Variants in TTBK2 observed in about 807,000 individuals in gnomAD.
TTBK2 encodes tau tubulin kinase 2, also known as tau-tubulin kinase 2.
In TTBK2, 28 loss-of-function variants were observed where a neutral mutation model predicts 110.8. The observed-to-expected ratio is 0.25, with a 90% confidence interval of 0.19 to 0.35. The LOEUF is 0.35. Among genes scored for constraint, TTBK2 ranks in the 10% least tolerant of loss-of-function variants. The pLI is 1.00. For missense variants in TTBK2, 1,369 were observed against 1,500.3 expected (o/e 0.91, Z 1.45); for synonymous variants, 532 against 527.3 (o/e 1.01, Z -0.12).
rs543197906 is a variant in TTBK2 at position 42,741,284 on chromosome 15, T to C, written c.*4511A>G. On this transcript the variant is annotated 3_prime_UTR_variant, in exon 15 of 15. Transcript: ENST00000267890. ...GTTTTCATGCATTAATCCCGCCATATGGGCTGATGGTTGGAACTGCCTTTA... is the reference window on the plus strand; with the variant it reads ...GTTTTCATGCATTAATCCCGCCATACGGGCTGATGGTTGGAACTGCCTTTA... 1 of 152,222 alleles carries C rather than the reference T, an allele frequency of 6.6e-6. No individual in the cohort carries two copies. Among genetic ancestry groups the C allele is most frequent in the Non-Finnish European group, 1.5e-5 (1 of 68,034 alleles). 9.4% of individuals were successfully genotyped at this position (152,222 alleles called of 1,614,324 possible).
At chr15:42,814,841 C>T (rs1319850032) in intron 7 of TTBK2, among the ~76,000 whole-genome samples, 1 of 152,108 alleles carries the variant, frequency 6.6e-6, no homozygotes, top group Non-Finnish European at 1.5e-5. Context: ...GGGTTAAGAA[C>T]CACTGTTATA....
intron 13 of TTBK2, among the ~76,000 whole-genome samples, chr15:42,767,643 C>G (rs891731699): frequency 6.6e-6 from 1 of 152,142 alleles, no homozygotes; most frequent in Non-Finnish European, 1.5e-5. Context: ...CAAAAGAAGT[C>G]CAGGACCAGA....
At chr15:42,827,674 T>C (rs1229013341) in intron 6 of TTBK2, among the ~76,000 whole-genome samples, 1 of 152,122 alleles carries the variant, frequency 6.6e-6, no homozygotes, top group Non-Finnish European at 1.5e-5. Context: ...ACTGCAAAAA[T>C]GACCCCTAAT....
chr15:42,746,080 A>G lies in TTBK2; in HGVS notation c.3450T>C (p.Ser1150=). The G allele has an allele frequency of 6.2e-7, 1 of 1,613,572 alleles. No individual in the cohort carries two copies. Among genetic ancestry groups the G allele is most frequent in the East Asian group, 2.2e-5 (1 of 44,864 alleles). Residue 1150 remains serine (S), a synonymous_variant, in exon 15 of 15, where the codon AGT becomes AGC. Coordinates refer to ENST00000267890, the MANE Select transcript of TTBK2 (RefSeq NM_173500.4). The part of the protein sequence containing the change: ...PPKSPVVPRR[S]PSASPRSSSL... ...ATGAGCTTCGAGGAGAGGCACTGGGACTCCTGCGAGGGACAACTGGACTCT... is the reference window on the plus strand; with the variant it reads ...ATGAGCTTCGAGGAGAGGCACTGGGGCTCCTGCGAGGGACAACTGGACTCT...
intron 10 of TTBK2, 44 bp downstream of exon 10, chr15:42,794,600 T>C: frequency 5.0e-6 from 8 of 1,614,008 alleles, no homozygotes; most frequent in Non-Finnish European, 6.8e-6. Flanking sequence ...GCAAATATAA[T>C]ACATCCAGGA....
At chr15:42,878,775 C>T in intron 1 of TTBK2, 91 bp from the exon 2 acceptor site, 1 of 1,462,206 alleles carries the variant, frequency 6.8e-7, no homozygotes, top group Non-Finnish European at 9.2e-7. Context: ...ACTACTAATA[C>T]TATACACTAA....
At chr15:42,891,376 G>A (rs1336195850) in intron 1 of TTBK2, among the ~76,000 whole-genome samples, 1 of 150,550 alleles carries the variant, frequency 6.6e-6, no homozygotes, top group African/African-American at 2.4e-5. Flanking sequence ...GTCTGGGTAT[G>A]TTGCCCAAGC....
At chr15:42,849,733 C>T (rs1383683564) in intron 3 of TTBK2, among the ~76,000 whole-genome samples, 3 of 151,390 alleles carry the variant, frequency 2.0e-5, no homozygotes, top group Non-Finnish European at 4.4e-5. Flanking sequence ...AAGTACCCCA[C>T]GTGGTTTCCC....
At chr15:42,913,846 T>C (rs1165690255) in intron 1 of TTBK2, among the ~76,000 whole-genome samples, 2 of 152,178 alleles carry the variant, frequency 1.3e-5, no homozygotes, top group African/African-American at 4.8e-5. Context: ...AAATCATTCC[T>C]CGGGTAAAAT....
At chr15:42,909,201 G>A (rs2030599711) in intron 1 of TTBK2, among the ~76,000 whole-genome samples, 1 of 152,164 alleles carries the variant, frequency 6.6e-6, no homozygotes, top group African/African-American at 2.4e-5. Flanking sequence ...CTATTCACAG[G>A]CTCAATTCTT....
chr15:42,804,177 G>A (rs373718231), intron 9 of TTBK2, among the ~76,000 whole-genome samples: 4 of 151,840 alleles, frequency 2.6e-5, no homozygotes, highest in African/African-American at 9.7e-5. Flanking sequence ...AGTTGCCATG[G>A]CTCACACCTG....
intron 1 of TTBK2, among the ~76,000 whole-genome samples, chr15:42,915,684 T>C (rs546392612): frequency 6.6e-6 from 1 of 152,304 alleles, no homozygotes; most frequent in South Asian, 2.1e-4. Flanking sequence ...TTGTGCCTCA[T>C]GCCTATAATT....
chr15:42,881,006 G>A (rs933691692), intron 1 of TTBK2, among the ~76,000 whole-genome samples: 2 of 151,992 alleles, frequency 1.3e-5, no homozygotes, highest in Admixed American at 1.3e-4. Flanking sequence ...CTTCAGCTGG[G>A]CATGGTGGCT....
intron 3 of TTBK2, among the ~76,000 whole-genome samples, chr15:42,857,782 A>C: frequency 6.6e-6 from 1 of 151,892 alleles, no homozygotes; most frequent in Non-Finnish European, 1.5e-5. Flanking sequence ...TCTATGCTCT[A>C]GTAAGTACAA....
At position 42,781,605 on chromosome 15, in the gene TTBK2, A is replaced by T. The variant is rs918557053; in HGVS notation, c.1197+1814T>A. Among the ~76,000 whole-genome samples the T allele has an allele frequency of 2.4e-4, 37 of 152,108 alleles. 1 individual carries two copies. Among genetic ancestry groups the T allele is most frequent in the Non-Finnish European group, 3.4e-4 (23 of 68,010 alleles). ...ATTTCATTCAATTCTATGTAAATTT[A>T]AAAAATTTTCCTTTAAGGCTTCCTC... On this transcript the variant is annotated intron_variant, in intron 11 of 14. Transcript: ENST00000267890.
At position 42,878,566 on chromosome 15, in the gene TTBK2, T is replaced by C. The variant is rs777074380; in HGVS notation, c.52A>G (p.Lys18Glu). 1 of 1,613,552 alleles carries C rather than the reference T, an allele frequency of 6.2e-7. No individual in the cohort carries two copies. Among genetic ancestry groups the C allele is most frequent in the Non-Finnish European group, 8.5e-7 (1 of 1,179,946 alleles). Reference sequence around the variant, plus strand: ...ACACTCACCACTTTCCATCTTTCTTTCACTAGGATTCCAACACTCAGGATA... The same window carrying C: ...ACACTCACCACTTTCCATCTTTCTTCCACTAGGATTCCAACACTCAGGATA... ...LDILSVGILV[K>E]ERWKVLRKIG... Residue 18 changes from lysine (K) to glutamate (E), a missense_variant, in exon 2 of 15, where the codon AAA becomes GAA. By Grantham distance (56) the Lys-to-Glu change is moderately conservative. Coordinates refer to ENST00000267890, the MANE Select transcript of TTBK2 (RefSeq NM_173500.4).
intron 13 of TTBK2, among the ~76,000 whole-genome samples, chr15:42,763,153 T>TACATATATAC (rs1312779081): frequency 6.5e-4 from 37 of 56,818 alleles, no homozygotes; most frequent in African/African-American, 4.5e-3. Flanking sequence ...CATATATATA[T>TACATATATAC]ATACATATAT....
Position 42,828,044 on chromosome 15 carries a change from A to G in TTBK2, c.433-12T>C. On this transcript the variant is annotated splice_polypyrimidine_tract_variant and intron_variant, in intron 5 of 14. Coordinates refer to ENST00000267890, the MANE Select transcript of TTBK2 (RefSeq NM_173500.4). Reference sequence around the variant, plus strand: ...ATAGCGAAGTTCGACTAGAAAAATAAAGAAGGAAAATATATACATTCTTAT... The same window carrying G: ...ATAGCGAAGTTCGACTAGAAAAATAGAGAAGGAAAATATATACATTCTTAT... The G allele has an allele frequency of 6.3e-7, 1 of 1,591,710 alleles. No homozygotes were observed.
chr15:42,801,946 T>C (rs767476961), intron 9 of TTBK2: 44 of 1,587,620 alleles, frequency 2.8e-5, no homozygotes, highest in Non-Finnish European at 3.4e-5. Flanking sequence ...CAGCTTCTCC[T>C]GGCCCAGAGT....
Sources: allele counts gnomAD v4.1 joint callset (sites outside exome capture counted in the v4.1 genomes callset), GRCh38; gene constraint gnomAD v4.1.1; transcripts MANE v1.5; gene names NCBI Gene and HGNC (gene_info 2026-07-23, HGNC 2026-07-21).